The following ZNF496 variants were observed in gnomAD, a reference collection of about 807,000 sequenced individuals.
ZNF496 encodes the protein NSD1 (nuclear receptor binding SET-domain containing 1)-interacting zinc finger protein 1.
Under a neutral mutation model 58.9 loss-of-function variants are expected in ZNF496, and 11 were observed. The observed-to-expected ratio is 0.19, with a 90% confidence interval of 0.12 to 0.31. The LOEUF (loss-of-function observed/expected upper bound fraction) is 0.31, where lower values mean the gene tolerates loss of function less well. Among genes scored for constraint, ZNF496 ranks in the 10% least tolerant of loss-of-function variants. ZNF496 has a pLI of 1.00. For synonymous variants in ZNF496, 338 were observed against 318.2 expected (o/e 1.06, Z -0.66); for missense variants, 660 against 783.0 (o/e 0.84, Z 1.88).
rs1659484312 is a variant in ZNF496 at position 247,308,373 on chromosome 1, A to C, written c.1006+102T>G. On this transcript the variant is annotated intron_variant, in intron 9 of 9. Coordinates refer to ENST00000682384, the MANE Select transcript of ZNF496 (RefSeq NM_032752.3). This position sits in a 1 kb window ranked among gnomAD's most constrained non-coding sequence, Gnocchi z 4.5. Reference sequence around the variant, plus strand: ...CACATGTGTATGCACGCACACATGCATTCAACACAACCATCCCCTATGCCA... The same window carrying C: ...CACATGTGTATGCACGCACACATGCCTTCAACACAACCATCCCCTATGCCA... 1 of 1,067,068 alleles carries C rather than the reference A, an allele frequency of 9.4e-7. No homozygotes were observed. Among genetic ancestry groups the C allele is most frequent in the African/African-American group, 1.6e-5 (1 of 64,042 alleles). 66.1% of individuals were successfully genotyped at this position (1,067,068 alleles called of 1,614,324 possible). A position where few individuals can be genotyped will look rare whatever the true frequency, so the allele number is the denominator to read the frequency against.
chr1:247,327,097 T>C (rs6697861), intron 5 of ZNF496, among the ~76,000 whole-genome samples: 33,327 of 152,012 alleles, frequency 0.22, 4,189 homozygotes, highest in East Asian at 0.42. Context: ...GGAGTTTTAC[T>C]GTTTTTACCC....
In ZNF496 at chr1:247,308,541, C is replaced by T. The variant is rs939596249; in HGVS notation, c.940G>A (p.Glu314Lys). ...PFQVEERRKREELQVPEFQAC... is the reference protein window; with the variant it reads ...PFQVEERRKRKELQVPEFQAC... ...TGGAACTCTGGCACCTGCAGCTCCT[C>T]ACGTTTCCTTCTTTCTTCTACCTGG... is the stretch of plus-strand genomic sequence containing the variant. The change falls in exon 9 of 10, where the codon GAG (glutamate) becomes AAG (lysine). Residue 314 changes from glutamate (E) to lysine (K), a missense_variant. Physicochemically the swap from Glu to Lys is moderately conservative, Grantham distance 56. Coordinates refer to ENST00000682384, the MANE Select transcript of ZNF496 (RefSeq NM_032752.3). This position sits in a 1 kb window ranked among gnomAD's most constrained non-coding sequence, Gnocchi z 4.5. 6.2e-7 allele frequency: 1 copy of T among 1,614,180 alleles called. No homozygotes were observed. The highest frequency in any genetic ancestry group is 8.5e-7 in the Non-Finnish European group (1 of 1,180,022).
intron 5 of ZNF496, among the ~76,000 whole-genome samples, chr1:247,326,659 C>T (rs1384665395): frequency 6.6e-6 from 1 of 152,152 alleles, no homozygotes; most frequent in Non-Finnish European, 1.5e-5. Flanking sequence ...AAGTTATGGC[C>T]CTCTCAAATT....
intron 6 of ZNF496, among the ~76,000 whole-genome samples, chr1:247,318,504 T>C (rs969764540): frequency 2.0e-5 from 3 of 152,200 alleles, no homozygotes; most frequent in African/African-American, 7.2e-5. Context: ...AGTAAAATAA[T>C]ACCTTCCTTA....
chr1:247,331,744 G>A (rs1313598264), intron 1 of ZNF496, 46 bp downstream of exon 1: 1 of 150,226 alleles, frequency 6.7e-6, no homozygotes, highest in East Asian at 2.0e-4. Context: ...GGCGCGGGCC[G>A]AGGAGGGCGG....
At chr1:247,316,790 G>A (rs1001079411) in intron 6 of ZNF496, among the ~76,000 whole-genome samples, 1 of 152,088 alleles carries the variant, frequency 6.6e-6, no homozygotes, top group Non-Finnish European at 1.5e-5. Flanking sequence ...AATCTGACAC[G>A]GCCACTTAGC....
chr1:247,317,413 T>C (rs889331185), intron 6 of ZNF496, among the ~76,000 whole-genome samples: 10 of 152,280 alleles, frequency 6.6e-5, no homozygotes, highest in East Asian at 5.8e-4. Flanking sequence ...ATAAGAAAAC[T>C]GTGGCCCCTT....
At chr1:247,325,624 C>A (rs543005628) in intron 5 of ZNF496, among the ~76,000 whole-genome samples, 1 of 152,106 alleles carries the variant, frequency 6.6e-6, no homozygotes, top group African/African-American at 2.4e-5. Flanking sequence ...TCTTACCTAA[C>A]GGAAACTTTG....
intron 6 of ZNF496, chr1:247,322,646 C>T: frequency 8.3e-7 from 1 of 1,208,520 alleles, no homozygotes; most frequent in South Asian, 1.3e-5. Context: ...GTAAGCAAGT[C>T]TTACACAAAA....
At chr1:247,313,742 C>T (rs1338160858) in intron 6 of ZNF496, 3 of 152,150 alleles carry the variant, frequency 2.0e-5, no homozygotes, top group African/African-American at 7.2e-5. Context: ...TACTGAAAAC[C>T]TTGACACACA....
chr1:247,325,846 T>C (rs1276538971), intron 5 of ZNF496, among the ~76,000 whole-genome samples: 2 of 151,988 alleles, frequency 1.3e-5, no homozygotes, highest in Admixed American at 6.6e-5. Context: ...TTCTGGGATA[T>C]GTAGCTATCC....
intron 6 of ZNF496, among the ~76,000 whole-genome samples, chr1:247,319,800 G>A (rs936983743): frequency 2.0e-5 from 3 of 152,222 alleles, no homozygotes; most frequent in African/African-American, 7.2e-5. Flanking sequence ...GTGCGCGCCT[G>A]TAGTCTCAGC....
At position 247,309,178 on chromosome 1, in the gene ZNF496, A is replaced by T. The variant is rs1297045738; in HGVS notation, c.892+521T>A. On this transcript the variant is annotated intron_variant, in intron 8 of 9. Coordinates refer to ENST00000682384, the MANE Select transcript of ZNF496 (RefSeq NM_032752.3). The surrounding 1 kb of genome is among the most constrained non-coding windows in gnomAD (Gnocchi z 4.3). ...TTCGAAGCACCATGGCATGGAGATC[A>T]TGGGTGCAAGTGCTGGCGACACAGC... The T allele has an allele frequency of 5.9e-6, 1 of 169,562 alleles. No individual in the cohort carries two copies. Among genetic ancestry groups the T allele is most frequent in the African/African-American group, 2.4e-5 (1 of 41,670 alleles). 10.5% of individuals were successfully genotyped at this position (169,562 alleles called of 1,614,324 possible). A position where few individuals can be genotyped will look rare whatever the true frequency, so the allele number is the denominator to read the frequency against.
chr1:247,307,738 AT>A (rs1193151985), intron 9 of ZNF496: 1 of 985,292 alleles, frequency 1.0e-6, no homozygotes, highest in African/African-American at 1.7e-5. Context: ...AAGAGATAAT[AT>A]GTGTGAGTTG....
chr1:247,329,567 G>T lies in ZNF496; in HGVS notation c.12C>A (p.Ala4=). MPT[A]LCPRVLAPKE... is the part of the protein sequence containing the mutation. ...TCGGAGCCAAGACTCGGGGGCACAGGGCTGTGGGCATGATGGGATTTGATG... is the reference window on the plus strand; with the variant it reads ...TCGGAGCCAAGACTCGGGGGCACAGTGCTGTGGGCATGATGGGATTTGATG... Residue 4 remains alanine (A), a synonymous_variant, in exon 4 of 10, where the codon GCC becomes GCA. Transcript: ENST00000682384. This position sits in a 1 kb window ranked among gnomAD's most constrained non-coding sequence, Gnocchi z 5.5. 6.4e-7 allele frequency: 1 copy of T among 1,554,510 alleles called. No individual in the cohort carries two copies. Among genetic ancestry groups the T allele is most frequent in the African/African-American group, 1.4e-5 (1 of 72,050 alleles).
chr1:247,297,864 A>G lies in ZNF496; in HGVS notation c.*2655T>C, dbSNP rs990907617. 1 of 152,160 alleles carries G rather than the reference A, an allele frequency of 6.6e-6. No homozygotes were observed. The highest frequency in any genetic ancestry group is 2.4e-5 in the African/African-American group (1 of 41,430). The allele number at this position is 152,160 out of a possible 1,614,324, so 9.4% of individuals were successfully genotyped here. ...GATCAGTGGTGGGGACTCAAGAGACAGCCTCCCTGTGGCTTCCAGCCCCTC... is the reference window on the plus strand; with the variant it reads ...GATCAGTGGTGGGGACTCAAGAGACGGCCTCCCTGTGGCTTCCAGCCCCTC... On this transcript the variant is annotated 3_prime_UTR_variant, in exon 10 of 10. Transcript: ENST00000682384.
At chr1:247,302,917 G>A (rs938246424) in intron 9 of ZNF496, among the ~76,000 whole-genome samples, 5 of 152,144 alleles carry the variant, frequency 3.3e-5, no homozygotes, top group African/African-American at 9.7e-5. Context: ...ATGGACTTGG[G>A]TGGAAGAAGA....
chr1:247,322,630 A>C (rs10924984), intron 6 of ZNF496: 1 of 1,035,258 alleles, frequency 9.7e-7, no homozygotes, highest in Non-Finnish European at 1.3e-6. Context: ...TCCTCAGAGC[A>C]CCCGAGTAAG....
rs188365451 is a variant in ZNF496 at position 247,299,239 on chromosome 1, G to T, written c.*1280C>A. 1 of 152,190 alleles carries T rather than the reference G, an allele frequency of 6.6e-6. No individual in the cohort carries two copies. Among genetic ancestry groups the T allele is most frequent in the Non-Finnish European group, 1.5e-5 (1 of 68,042 alleles). 9.4% of individuals were successfully genotyped at this position (152,190 alleles called of 1,614,324 possible). A position where few individuals can be genotyped will look rare whatever the true frequency, so the allele number is the denominator to read the frequency against. On this transcript the variant is annotated 3_prime_UTR_variant, in exon 10 of 10. Coordinates refer to ENST00000682384, the MANE Select transcript of ZNF496 (RefSeq NM_032752.3). ...ATACAGATGAGGTTATACTGGAGTC[G>T]GTGGGATGGGCTCTAATCCGATATG... is the stretch of plus-strand genomic sequence containing the variant.
Sources: gnomAD v4.1 joint callset for allele counts (sites outside exome capture counted in the v4.1 genomes callset) on GRCh38, gnomAD v4.1.1 for gene constraint, Gnocchi (gnomAD v3.1) non-coding constraint, MANE v1.5 for transcripts, NCBI Gene and HGNC (gene_info 2026-07-23, HGNC 2026-07-21) for gene names.